FMR1: variants seen among roughly 807,000 people sequenced by gnomAD.
FMR1 encodes fragile X messenger ribonucleoprotein 1.
A neutral mutation model predicts 50.6 loss-of-function variants in FMR1; 13 were observed. The observed-to-expected ratio is 0.26, with a 90% CI of 0.17 to 0.41. FMR1 has a LOEUF of 0.41. Among genes scored for constraint, FMR1 ranks in the 10% least tolerant of loss-of-function variants. The pLI, the probability that FMR1 is intolerant of heterozygous loss-of-function variation, is 1.00. For missense variants in FMR1, 316 were observed against 491.3 expected (o/e 0.64, Z 3.37); for synonymous variants, 138 against 164.1 (o/e 0.84, Z 1.22).
chrX:147,913,023 TTG>T (rs1209644793), intron 1 of FMR1: 15 of 239,609 alleles, frequency 6.3e-5, no homozygotes, highest in Non-Finnish European at 8.9e-5. Flanking sequence ...TACTTAAAAA[TTG>T]TGTGTGTGTG....
chrX:147,945,366 T>C (rs1030918593), intron 15 of FMR1, among the ~76,000 whole-genome samples, 168 bp from the exon 16 acceptor site: 1 of 112,772 alleles, frequency 8.9e-6, no homozygotes, highest in African/African-American at 3.2e-5. Context: ...TATTTTCTGT[T>C]ACTTAGCAGC....
At chrX:147,939,752 G>A (rs2043915725) in intron 12 of FMR1, among the ~76,000 whole-genome samples, 1 of 106,293 alleles carries the variant, frequency 9.4e-6, no homozygotes, top group Non-Finnish European at 1.9e-5. Flanking sequence ...CAAAAATTTA[G>A]CTGGGTATGA....
Position 147,912,237 on chromosome X carries a change from G to C in FMR1, c.51+7G>C, listed in dbSNP as rs2042612317. On this transcript the variant is annotated splice_region_variant and intron_variant, in intron 1 of 16. Transcript: ENST00000370475. Reference sequence around the variant, plus strand: ...CAATGGCGCTTTCTACAAGGTACTTGGCTCTAGGGCAGGCCCCATCTTCGC... The same window carrying C: ...CAATGGCGCTTTCTACAAGGTACTTCGCTCTAGGGCAGGCCCCATCTTCGC... 12 of 1,157,930 alleles carry C rather than the reference G, an allele frequency of 1.0e-5. No individual in the cohort carries two copies. Among genetic ancestry groups the C allele is most frequent in the Non-Finnish European group, 1.2e-5 (10 of 867,166 alleles).
At chrX:147,947,633 C>G (rs1316656859) in intron 16 of FMR1, 1 of 108,955 alleles carries the variant, frequency 9.2e-6, no homozygotes, top group African/African-American at 3.4e-5. Flanking sequence ...TGGCGTGAAC[C>G]TGGGAGGCGG....
chrX:147,920,301 T>G (rs2043096101), intron 1 of FMR1, among the ~76,000 whole-genome samples: 1 of 112,035 alleles, frequency 8.9e-6, no homozygotes, highest in Non-Finnish European at 1.9e-5. Context: ...TGTCTTGGCT[T>G]CTTTGTTGAC....
chrX:147,925,467 G>T (rs1290397407), intron 2 of FMR1, 73 bp from the exon 3 acceptor site: 2 of 798,425 alleles, frequency 2.5e-6, no homozygotes, highest in Non-Finnish European at 3.8e-6. Flanking sequence ...ACCAAAAGTT[G>T]ATGGCAGAGT....
chrX:147,938,056 G>A (rs2124543489), intron 11 of FMR1, 43 bp from the exon 12 acceptor site: 1 of 1,055,696 alleles, frequency 9.5e-7, no homozygotes, highest in African/African-American at 1.8e-5. Context: ...TGTATCGTTT[G>A]TTATAGTTAA....
At chrX:147,912,378 GGACT>G in intron 1 of FMR1, 148 bp downstream of exon 1, 1 of 540,154 alleles carries the variant, frequency 1.9e-6, no homozygotes, top group African/African-American at 2.3e-5. Flanking sequence ...TGGGAGGGAA[GGACT>G]GGACTTGGGG....
At chrX:147,918,985 T>G (rs2043027666) in intron 1 of FMR1, among the ~76,000 whole-genome samples, 1 of 111,637 alleles carries the variant, frequency 9.0e-6, no homozygotes, top group African/African-American at 3.3e-5. Flanking sequence ...TTGATTTACT[T>G]AGAACATTTC....
chrX:147,916,423 A>T (rs1557175219), intron 1 of FMR1, among the ~76,000 whole-genome samples: 2 of 110,861 alleles, frequency 1.8e-5, no homozygotes, highest in African/African-American at 6.6e-5. Context: ...GTGTCCCCAT[A>T]CAACGGGGCG....
chrX:147,935,922 T>A (rs1557179585), intron 9 of FMR1, among the ~76,000 whole-genome samples: 1 of 112,173 alleles, frequency 8.9e-6, no homozygotes, highest in African/African-American at 3.2e-5. Flanking sequence ...CACATTGACC[T>A]TGAAGAATTT....
chrX:147,945,501 T>C, intron 15 of FMR1, 33 bp from the exon 16 acceptor site: 1 of 1,092,676 alleles, frequency 9.2e-7, no homozygotes, highest in Non-Finnish European at 1.3e-6. Flanking sequence ...TCAGAATCAG[T>C]AACTGTTGAA....
At chrX:147,938,047 G>A in intron 11 of FMR1, 52 bp from the exon 12 acceptor site, 1 of 973,717 alleles carries the variant, frequency 1.0e-6, no homozygotes, top group Non-Finnish European at 1.5e-6. Flanking sequence ...AGGCTTCTGT[G>A]TATCGTTTGT....
intron 7 of FMR1, among the ~76,000 whole-genome samples, chrX:147,931,585 G>A (rs1363366741): frequency 8.1e-5 from 9 of 111,482 alleles, no homozygotes; most frequent in African/African-American, 2.9e-4. Context: ...TTCAACATGA[G>A]CCACTAATAC....
rs782563625 is a variant in FMR1 at position 147,948,850 on chromosome X, A to G, written c.*6A>G. On this transcript the variant is annotated 3_prime_UTR_variant, in exon 17 of 17. Transcript: ENST00000370475. Reference sequence around the variant, plus strand: ...TCGTGAATGGAGTACCCTAAACTGCATAATTCTGAAGTTATATTTCCTATA... The same window carrying G: ...TCGTGAATGGAGTACCCTAAACTGCGTAATTCTGAAGTTATATTTCCTATA... The G allele has an allele frequency of 9.1e-6, 11 of 1,203,230 alleles. No homozygotes were observed. Among genetic ancestry groups the G allele is most frequent in the East Asian group, 8.9e-5 (3 of 33,780 alleles).
At position 147,925,803 on chromosome X, in the gene FMR1, C is replaced by T. The variant is rs188414110; in HGVS notation, c.198+170C>T. Among the ~76,000 whole-genome samples the T allele has an allele frequency of 2.4e-3, 264 of 111,753 alleles. 1 individual carries two copies. The highest frequency in any genetic ancestry group is 8.2e-3 in the African/African-American group (251 of 30,748). ...ATCTTATTAATAATTCAAAATGATA[C>T]ATGATGCTTACATTTGGCTATTTGA... On this transcript the variant is annotated intron_variant, in intron 3 of 16. Coordinates refer to ENST00000370475, the MANE Select transcript of FMR1 (RefSeq NM_002024.6).
In FMR1 at chrX:147,934,818, C is replaced by G. The variant is rs191137527; in HGVS notation, c.881-1686C>G. Among the ~76,000 whole-genome samples the G allele has an allele frequency of 2.6e-3, 289 of 111,941 alleles. 2 individuals carry two copies. Among genetic ancestry groups the G allele is most frequent in the South Asian group, 0.025 (68 of 2,696 alleles). ...CATTTTTGTGTAAGATTCTGCAAGG[C>G]AGATCTTTAGAGAGGTGTCATAATC... On this transcript the variant is annotated intron_variant, in intron 9 of 16. Transcript: ENST00000370475.
intron 3 of FMR1, among the ~76,000 whole-genome samples, chrX:147,926,033 ATTTC>A (rs2043373590): frequency 8.9e-6 from 1 of 112,406 alleles, no homozygotes; most frequent in African/African-American, 3.2e-5. Flanking sequence ...GTATACTAGA[ATTTC>A]TTTAAGTAGC....
intron 8 of FMR1, 37 bp from the exon 9 acceptor site, chrX:147,932,648 C>T (rs782434905): frequency 9.2e-6 from 11 of 1,194,264 alleles, no homozygotes; most frequent in Admixed American, 6.5e-5. Context: ...TTTCAGCTGG[C>T]TAATCTTTTG....
Sources: gnomAD v4.1 joint callset for allele counts (sites outside exome capture counted in the v4.1 genomes callset) on GRCh38, gnomAD v4.1.1 for gene constraint, MANE v1.5 for transcripts, NCBI Gene and HGNC (gene_info 2026-07-23, HGNC 2026-07-21) for gene names.